CCL26: variants seen among roughly 807,000 people sequenced by gnomAD.
The protein encoded by CCL26 is C-C motif chemokine 26.
A neutral mutation model predicts 10.7 loss-of-function variants in CCL26; 10 were observed. The ratio of observed to expected loss-of-function variants is 0.93; its 90% CI spans 0.57 to 1.58. The LOEUF (loss-of-function observed/expected upper bound fraction) is 1.58, where lower values mean the gene tolerates loss of function less well. Ranked by LOEUF, CCL26 falls within the 40% of genes most tolerant of loss-of-function variation. The pLI is 0.00. For synonymous variants in CCL26, 43 were observed against 41.4 expected (o/e 1.04, Z -0.15); for missense variants, 116 against 111.0 (o/e 1.05, Z -0.20).
At chr7:75,774,114 C>T (rs1398758091), upstream of CCL26, among the ~76,000 whole-genome samples, 1 of 152,106 alleles carries the variant, frequency 6.6e-6, no homozygotes, top group African/African-American at 2.4e-5. Flanking sequence ...AAACCAGGCA[C>T]AACAGTCTGG....
In CCL26 at chr7:75,772,165, G is replaced by T; in HGVS notation, c.12C>A (p.Leu4=). ...CCAGGAGCACAGCAGAGGCCAAGGA[G>T]AGGCCCATCATGATGCTGCAAATCA... MMG[L]SLASAVLLAS... Residue 4 remains leucine, a synonymous_variant, in exon 1 of 3, where the codon CTC becomes CTA. Coordinates refer to ENST00000005180, the MANE Select transcript of CCL26 (RefSeq NM_001371938.1). The T allele has an allele frequency of 6.4e-7, 1 of 1,551,958 alleles. No individual in the cohort carries two copies. Among genetic ancestry groups the T allele is most frequent in the Non-Finnish European group, 8.7e-7 (1 of 1,147,502 alleles).
At chr7:75,775,215 T>A (rs1802912353), upstream of CCL26, among the ~76,000 whole-genome samples, 1 of 152,070 alleles carries the variant, frequency 6.6e-6, no homozygotes, top group South Asian at 2.1e-4. Context: ...CGAGACTCCA[T>A]TTCAGAAGGA....
chr7:75,772,339 A>C (rs1554528262), upstream of CCL26: 2 of 616,174 alleles, frequency 3.2e-6, no homozygotes, highest in South Asian at 4.0e-5. Context: ...TAATACTCAT[A>C]GGAATGAAAT....
chr7:75,774,743 G>T, upstream of CCL26, among the ~76,000 whole-genome samples: 1 of 137,558 alleles, frequency 7.3e-6, no homozygotes, highest in East Asian at 2.0e-4. Context: ...ACCCCACCCG[G>T]CCTATTTTTT....
chr7:75,780,168 C>T (rs1218157564), intron 1 of CCL26, among the ~76,000 whole-genome samples: 1 of 148,334 alleles, frequency 6.7e-6, no homozygotes, highest in Non-Finnish European at 1.5e-5. Context: ...CAAACACTTC[C>T]CACCCCTTTT....
At chr7:75,787,925 A>G (rs1585016928) in intron 1 of CCL26, among the ~76,000 whole-genome samples, 1 of 151,972 alleles carries the variant, frequency 6.6e-6, no homozygotes, top group African/African-American at 2.4e-5. Context: ...GCCTTCACCA[A>G]TCGTTTTATA....
chr7:75,775,062 A>C (rs1802907768), upstream of CCL26, among the ~76,000 whole-genome samples: 1 of 152,006 alleles, frequency 6.6e-6, no homozygotes, highest in African/African-American at 2.4e-5. Context: ...TCTACCAAAA[A>C]TACAAAAATT....
At chr7:75,773,086 C>T (rs2115644185), upstream of CCL26, among the ~76,000 whole-genome samples, 1 of 152,242 alleles carries the variant, frequency 6.6e-6, no homozygotes, top group Non-Finnish European at 1.5e-5. Context: ...TGGGGCCACA[C>T]CTGTAGGGCC....
chr7:75,784,087 G>T (rs1218890065), intron 1 of CCL26, among the ~76,000 whole-genome samples: 1 of 152,114 alleles, frequency 6.6e-6, no homozygotes, highest in East Asian at 1.9e-4. Flanking sequence ...GTAATTCCTT[G>T]CCCCCACTGT....
At chr7:75,789,437 G>A (rs374270398) in intron 1 of CCL26, among the ~76,000 whole-genome samples, 2 of 148,778 alleles carry the variant, frequency 1.3e-5, no homozygotes, top group African/African-American at 4.9e-5. Context: ...CCACTCTTCT[G>A]GGAACATCCA....
chr7:75,785,506 C>T (rs1364503728), intron 1 of CCL26, among the ~76,000 whole-genome samples: 6 of 152,188 alleles, frequency 3.9e-5, no homozygotes, highest in Non-Finnish European at 5.9e-5. Context: ...TCTTCTCCAT[C>T]CATTACCTAC....
chr7:75,771,542 T>C (rs1563334712), intron 2 of CCL26, among the ~76,000 whole-genome samples: 1 of 151,964 alleles, frequency 6.6e-6, no homozygotes, highest in Non-Finnish European at 1.5e-5. Context: ...CCAACCATGG[T>C]GAAATTCTAC....
intron 1 of CCL26, among the ~76,000 whole-genome samples, chr7:75,781,750 C>T (rs1423184243): frequency 6.6e-6 from 1 of 152,136 alleles, no homozygotes. Flanking sequence ...CCCCTGCCCG[C>T]CAGAGAACAA....
chr7:75,787,948 T>C (rs1554530215), intron 1 of CCL26, among the ~76,000 whole-genome samples: 1 of 152,076 alleles, frequency 6.6e-6, no homozygotes, highest in African/African-American at 2.4e-5. Context: ...ACAAATGCTC[T>C]TTTTAACAAC....
At chr7:75,788,156 G>A in intron 1 of CCL26, among the ~76,000 whole-genome samples, 1 of 152,056 alleles carries the variant, frequency 6.6e-6, no homozygotes, top group Non-Finnish European at 1.5e-5. Flanking sequence ...AATATAAGAA[G>A]ACAGGAATGT....
At chr7:75,785,889 GC>G (rs1265986299) in intron 1 of CCL26, among the ~76,000 whole-genome samples, 1 of 152,152 alleles carries the variant, frequency 6.6e-6, no homozygotes, top group Non-Finnish European at 1.5e-5. Flanking sequence ...GCGCCCTGTA[GC>G]CTTTTTGTCC....
intron 1 of CCL26, among the ~76,000 whole-genome samples, chr7:75,788,346 C>T (rs183277802): frequency 0.026 from 3,982 of 152,138 alleles, 64 homozygotes; most frequent in Middle Eastern, 0.078. Context: ...AAAGCTCCCC[C>T]ACTGAGCACC....
At chr7:75,774,628 T>C (rs1359954588), upstream of CCL26, among the ~76,000 whole-genome samples, 1 of 151,978 alleles carries the variant, frequency 6.6e-6, no homozygotes, top group Non-Finnish European at 1.5e-5. Flanking sequence ...GTATTTTTAG[T>C]AGAGACAGGG....
intron 1 of CCL26, among the ~76,000 whole-genome samples, chr7:75,785,890 C>G (rs191844805): frequency 1.1e-3 from 171 of 152,280 alleles, no homozygotes; most frequent in African/African-American, 3.9e-3. Flanking sequence ...CGCCCTGTAG[C>G]CTTTTTGTCC....
Sources: gnomAD v4.1 joint callset for allele counts (sites outside exome capture counted in the v4.1 genomes callset) on GRCh38, gnomAD v4.1.1 for gene constraint, MANE v1.5 for transcripts, NCBI Gene and HGNC (gene_info 2026-07-23, HGNC 2026-07-21) for gene names.